The following SRGAP3 variants were observed in gnomAD, a reference collection of about 807,000 sequenced individuals.
The protein encoded by SRGAP3 is SLIT-ROBO Rho GTPase activating protein 3, also known as SLIT-ROBO Rho GTPase-activating protein 3.
In SRGAP3, 39 loss-of-function variants were observed where a neutral mutation model predicts 121.1. The observed-to-expected ratio is 0.32, with a 90% confidence interval of 0.25 to 0.42. SRGAP3 has a LOEUF of 0.42. Among genes scored for constraint, SRGAP3 ranks in the 10% least tolerant of loss-of-function variants. SRGAP3 has a pLI of 1.00. For missense variants in SRGAP3, 1,213 were observed against 1,470.6 expected (o/e 0.82, Z 2.86); for synonymous variants, 601 against 570.0 (o/e 1.05, Z -0.77).
chr3:9,039,660 C>T (rs1463473769), intron 10 of SRGAP3, among the ~76,000 whole-genome samples: 1 of 150,838 alleles, frequency 6.6e-6, no homozygotes, highest in Non-Finnish European at 1.5e-5. Context: ...GCCTCCGGCC[C>T]CTGGCAACCC....
At chr3:9,283,133 GT>G (rs1954710266) in intron 3 of SRGAP3, among the ~76,000 whole-genome samples, 1 of 151,792 alleles carries the variant, frequency 6.6e-6, no homozygotes. Flanking sequence ...TAGAGACGGG[GT>G]TTCTCCATGT....
At chr3:8,993,775 C>T (rs1226758031) in intron 19 of SRGAP3, among the ~76,000 whole-genome samples, 4 of 152,096 alleles carry the variant, frequency 2.6e-5, no homozygotes, top group Admixed American at 2.0e-4. Context: ...TCTGTTCTGC[C>T]GAGCCTGACC....
At chr3:9,308,480 G>C (rs1042950709) in intron 3 of SRGAP3, among the ~76,000 whole-genome samples, 4 of 152,176 alleles carry the variant, frequency 2.6e-5, no homozygotes, top group African/African-American at 9.7e-5. Context: ...GGGCCTGCCA[G>C]ATCTTTTTAT....
At chr3:9,078,171 G>A (rs1947061496) in intron 4 of SRGAP3, among the ~76,000 whole-genome samples, 1 of 152,176 alleles carries the variant, frequency 6.6e-6, no homozygotes, top group Non-Finnish European at 1.5e-5. Flanking sequence ...AAAAGCAGCA[G>A]AGGGGGAAGG....
At chr3:9,361,534 GCC>G (rs2030833275) in intron 1 of SRGAP3, among the ~76,000 whole-genome samples, 1 of 152,042 alleles carries the variant, frequency 6.6e-6, no homozygotes, top group Non-Finnish European at 1.5e-5. Flanking sequence ...AAAATTCTAT[GCC>G]CCCCAACTGA....
intron 10 of SRGAP3, among the ~76,000 whole-genome samples, chr3:9,041,425 T>A (rs1945006328): frequency 6.6e-6 from 1 of 152,266 alleles, no homozygotes; most frequent in Non-Finnish European, 1.5e-5. Flanking sequence ...GGCAAGGGTA[T>A]GGCACTCAAA....
intron 2 of SRGAP3, among the ~76,000 whole-genome samples, chr3:9,329,441 AAC>A (rs1479355760): frequency 1.3e-5 from 2 of 152,122 alleles, no homozygotes; most frequent in African/African-American, 4.8e-5. Flanking sequence ...CGTGTGATAA[AAC>A]ACAGACATTA....
At chr3:9,069,932 G>A (rs1256794127) in intron 4 of SRGAP3, among the ~76,000 whole-genome samples, 1 of 152,122 alleles carries the variant, frequency 6.6e-6, no homozygotes, top group Non-Finnish European at 1.5e-5. Context: ...GGGCGACAGA[G>A]CGAGACTCCA....
intron 3 of SRGAP3, among the ~76,000 whole-genome samples, chr3:9,313,752 T>A (rs1161485218): frequency 1.3e-5 from 2 of 151,944 alleles, no homozygotes; most frequent in African/African-American, 4.8e-5. Flanking sequence ...CCCAGCATTC[T>A]GGGAGGCCGA....
intron 3 of SRGAP3, among the ~76,000 whole-genome samples, chr3:9,279,026 C>T (rs968014536): frequency 1.3e-5 from 2 of 152,068 alleles, no homozygotes; most frequent in Non-Finnish European, 2.9e-5. Context: ...GTAATCCTAA[C>T]TACTTGGGAG....
intron 3 of SRGAP3, among the ~76,000 whole-genome samples, chr3:9,323,716 A>T (rs1376088779): frequency 6.6e-6 from 1 of 151,558 alleles, no homozygotes; most frequent in Non-Finnish European, 1.5e-5. Context: ...AGTAATGACC[A>T]GTTCTGGTTT....
chr3:9,162,079 T>C (rs1214581492), intron 1 of SRGAP3, among the ~76,000 whole-genome samples: 1 of 152,128 alleles, frequency 6.6e-6, no homozygotes, highest in African/African-American at 2.4e-5. Context: ...ACAAATACTG[T>C]ATGACTCTAC....
chr3:9,147,423 CAGCAGCCT>C (rs1045097253), intron 1 of SRGAP3, among the ~76,000 whole-genome samples: 15 of 152,128 alleles, frequency 9.9e-5, no homozygotes, highest in African/African-American at 3.4e-4. Context: ...CACAAACCTA[CAGCAGCCT>C]AGGACTGGGA....
At chr3:9,065,869 G>A (rs1462288225) in intron 4 of SRGAP3, among the ~76,000 whole-genome samples, 1 of 152,184 alleles carries the variant, frequency 6.6e-6, no homozygotes, top group Non-Finnish European at 1.5e-5. Context: ...GTGGGATGGA[G>A]GGTCATATGG....
chr3:9,324,403 C>T (rs957998419), intron 3 of SRGAP3, among the ~76,000 whole-genome samples: 2 of 151,768 alleles, frequency 1.3e-5, no homozygotes, highest in Non-Finnish European at 2.9e-5. Flanking sequence ...TTTTGAAACC[C>T]ACTGGGAAAC....
chr3:9,086,464 G>C (rs1419385052), intron 3 of SRGAP3, among the ~76,000 whole-genome samples: 3 of 149,310 alleles, frequency 2.0e-5, no homozygotes, highest in African/African-American at 4.9e-5. Context: ...GGGTTGCAGG[G>C]AGCTGAGATT....
intron 17 of SRGAP3, among the ~76,000 whole-genome samples, chr3:9,010,822 G>T (rs399747): frequency 0.55 from 83,968 of 151,986 alleles, 23,400 homozygotes; most frequent in South Asian, 0.69. Context: ...ATCCCAGGAG[G>T]TAAGATGAAG....
In SRGAP3 at chr3:9,188,072, A is replaced by G. The variant is rs568845603; in HGVS notation, c.67+60813T>C. On this transcript the variant is annotated intron_variant, in intron 1 of 21. Coordinates refer to ENST00000383836, the MANE Select transcript of SRGAP3 (RefSeq NM_014850.4). ...AGGGGAGAAAGAATACAAGACAGTG[A>G]TCACAAAAAGCAAGGATCTAGCTGT... 3.9e-5 allele frequency among the ~76,000 whole-genome samples: 6 copies of G among 152,328 alleles called. No individual in the cohort carries two copies. The South Asian group carries it at 6.2e-4, about 16-fold the overall frequency.
At chr3:9,170,964 T>C (rs1950956660) in intron 1 of SRGAP3, among the ~76,000 whole-genome samples, 1 of 152,218 alleles carries the variant, frequency 6.6e-6, no homozygotes, top group African/African-American at 2.4e-5. Context: ...GCCTGTTCTG[T>C]CCCTCAGCAG....
Sources: allele counts gnomAD v4.1 joint callset (sites outside exome capture counted in the v4.1 genomes callset), GRCh38; gene constraint gnomAD v4.1.1; transcripts MANE v1.5; gene names NCBI Gene and HGNC (gene_info 2026-07-23, HGNC 2026-07-21).